Variants in KCND2 observed in about 807,000 individuals in gnomAD.
The protein encoded by KCND2 is A-type voltage-gated potassium channel KCND2.
A neutral mutation model predicts 54.4 loss-of-function variants in KCND2; 16 were observed. The observed-to-expected ratio is 0.29, with a 90% CI of 0.20 to 0.45. KCND2 has a LOEUF of 0.45. KCND2 is among the 20% of genes least tolerant of loss of function. The probability of loss-of-function intolerance (pLI) is 1.00; values close to 1 mark genes in which losing one functional copy is unlikely to be tolerated. For synonymous variants in KCND2, 317 were observed against 310.7 expected (o/e 1.02, Z -0.21); for missense variants, 486 against 824.2 (o/e 0.59, Z 5.02).
In KCND2 at chr7:120,601,756, C is replaced by T. The variant is rs145952497; in HGVS notation, c.1116-131147C>T. 8.0e-3 allele frequency among the ~76,000 whole-genome samples: 1,216 copies of T among 152,244 alleles called. 18 individuals carry two copies. The highest frequency in any genetic ancestry group is 0.028 in the African/African-American group (1,162 of 41,544). On this transcript the variant is annotated intron_variant, in intron 1 of 5. Transcript: ENST00000331113. Reference sequence around the variant, plus strand: ...AGACACCCTGACCAATTCTTTCTACCTCTGCCCACAAAAATTTGAAATTTA... The same window carrying T: ...AGACACCCTGACCAATTCTTTCTACTTCTGCCCACAAAAATTTGAAATTTA...
intron 1 of KCND2, among the ~76,000 whole-genome samples, chr7:120,614,816 A>C (rs528406636): frequency 6.6e-6 from 1 of 152,240 alleles, no homozygotes; most frequent in Admixed American, 6.5e-5. Context: ...ATAATTTTTA[A>C]GATAAAACAA....
chr7:120,356,197 C>T (rs1050189820), intron 1 of KCND2, among the ~76,000 whole-genome samples: 3 of 151,980 alleles, frequency 2.0e-5, no homozygotes, highest in Admixed American at 2.0e-4. Flanking sequence ...ATGACTAATG[C>T]TCTAATGGAA....
chr7:120,397,770 A>G (rs1219482640), intron 1 of KCND2, among the ~76,000 whole-genome samples: 1 of 151,572 alleles, frequency 6.6e-6, no homozygotes, highest in Non-Finnish European at 1.5e-5. Flanking sequence ...ATATTTTTCT[A>G]TATTGTCATA....
chr7:120,641,015 C>A (rs1165628284), intron 1 of KCND2, among the ~76,000 whole-genome samples: 1 of 152,166 alleles, frequency 6.6e-6, no homozygotes, highest in African/African-American at 2.4e-5. Flanking sequence ...ATATAATTTG[C>A]ATTTTTTGCT....
intron 1 of KCND2, among the ~76,000 whole-genome samples, chr7:120,439,416 G>A (rs1195919312): frequency 6.6e-6 from 1 of 152,018 alleles, no homozygotes; most frequent in Non-Finnish European, 1.5e-5. Flanking sequence ...GGAATGCAGA[G>A]TGATATTTCA....
At position 120,554,105 on chromosome 7, in the gene KCND2, G is replaced by A. The variant is rs768312586; in HGVS notation, c.1116-178798G>A. Among the ~76,000 whole-genome samples the A allele has an allele frequency of 1.5e-4, 23 of 152,198 alleles. 1 individual carries two copies. The highest frequency in any genetic ancestry group is 2.6e-4 in the Non-Finnish European group (18 of 68,030). On this transcript the variant is annotated intron_variant, in intron 1 of 5. Transcript: ENST00000331113. The stretch of plus-strand genomic sequence containing the variant: ...CCTATTTTCCTGCTGACCTGGAGAT[G>A]ATTCAAAGCCCAATCTTGGCCACAA...
chr7:120,747,732 A>G lies in KCND2; in HGVS notation c.1767A>G (p.Glu589=). Residue 589 remains glutamate, a synonymous_variant, in exon 6 of 6, where the codon GAA becomes GAG. Transcript: ENST00000331113. ...KMEECVKLNC[E]QPYVTTAIIS... ...AAGAGTGTGTTAAACTAAACTGTGA[A>G]CAACCTTATGTGACTACAGCAATAA... 6.2e-7 allele frequency: 1 copy of G among 1,612,820 alleles called. No homozygotes were observed. The highest frequency in any genetic ancestry group is 8.5e-7 in the Non-Finnish European group (1 of 1,179,110).
intron 1 of KCND2, among the ~76,000 whole-genome samples, chr7:120,524,837 A>T (rs1459245851): frequency 6.6e-6 from 1 of 152,176 alleles, no homozygotes; most frequent in Non-Finnish European, 1.5e-5. Flanking sequence ...AAACATCTCA[A>T]AGGAAAATTA....
At chr7:120,700,096 A>G (rs1336389713) in intron 1 of KCND2, among the ~76,000 whole-genome samples, 1 of 152,188 alleles carries the variant, frequency 6.6e-6, no homozygotes, top group Non-Finnish European at 1.5e-5. Context: ...GGGAAATGCC[A>G]TAGATTGGTC....
intron 1 of KCND2, among the ~76,000 whole-genome samples, chr7:120,296,905 T>G (rs999775115): frequency 5.3e-5 from 8 of 152,236 alleles, no homozygotes; most frequent in Non-Finnish European, 1.0e-4. Context: ...TAAGCAATGT[T>G]TTTTTAAGAA....
chr7:120,398,135 A>C (rs1801187512), intron 1 of KCND2, among the ~76,000 whole-genome samples: 8 of 143,112 alleles, frequency 5.6e-5, no homozygotes, highest in Admixed American at 5.0e-4. Context: ...TGGCAATACT[A>C]GGAGATTTTA....
chr7:120,322,752 C>T (rs1390364322), intron 1 of KCND2, among the ~76,000 whole-genome samples: 2 of 152,014 alleles, frequency 1.3e-5, no homozygotes, highest in Non-Finnish European at 2.9e-5. Flanking sequence ...TAGTTATTAG[C>T]ATTTTCTATG....
chr7:120,381,356 C>T (rs1800913354), intron 1 of KCND2, among the ~76,000 whole-genome samples: 1 of 151,990 alleles, frequency 6.6e-6, no homozygotes, highest in Non-Finnish European at 1.5e-5. Context: ...CAAAATATTA[C>T]ACATAATACA....
rs182826212 is a variant in KCND2 at position 120,583,551 on chromosome 7, G to A, written c.1116-149352G>A. 2.6e-5 allele frequency among the ~76,000 whole-genome samples: 4 copies of A among 152,246 alleles called. No homozygotes were observed. In the East Asian group the frequency reaches 7.7e-4, roughly 29 times the overall value. On this transcript the variant is annotated intron_variant, in intron 1 of 5. Transcript: ENST00000331113. ...CAAGGTGTCAGCAGAGTTGGTGCCTGTGAGGTCTCTCTCTGGCTTATAGAT... is the reference window on the plus strand; with the variant it reads ...CAAGGTGTCAGCAGAGTTGGTGCCTATGAGGTCTCTCTCTGGCTTATAGAT...
At position 120,274,336 on chromosome 7, in the gene KCND2, T is replaced by G; in HGVS notation, c.-297T>G. 2 of 534,746 alleles carry G rather than the reference T, an allele frequency of 3.7e-6. No individual in the cohort carries two copies. The highest frequency in any genetic ancestry group is 6.7e-6 in the Non-Finnish European group (2 of 298,372). The allele number at this position is 534,746 out of a possible 1,614,324, so 33.1% of individuals were successfully genotyped here. ...AAACGGCTGCACCTGTGTGCTTATTTGTGCCAGAGGGTGGCCTAGCCCACC... is the reference window on the plus strand; with the variant it reads ...AAACGGCTGCACCTGTGTGCTTATTGGTGCCAGAGGGTGGCCTAGCCCACC... On this transcript the variant is annotated 5_prime_UTR_variant, in exon 1 of 6. Transcript: ENST00000331113.
At chr7:120,494,174 G>A (rs1057074993) in intron 1 of KCND2, among the ~76,000 whole-genome samples, 3 of 152,088 alleles carry the variant, frequency 2.0e-5, no homozygotes, top group African/African-American at 7.2e-5. Context: ...GTTTCTTCTG[G>A]TGGGGAAGGT....
At chr7:120,285,187 A>C (rs1158941035) in intron 1 of KCND2, among the ~76,000 whole-genome samples, 2 of 152,080 alleles carry the variant, frequency 1.3e-5, no homozygotes, top group African/African-American at 4.8e-5. Context: ...CTCTGGTAAT[A>C]ACACTGTATT....
intron 1 of KCND2, among the ~76,000 whole-genome samples, chr7:120,297,854 A>G (rs1415411462): frequency 6.6e-6 from 1 of 152,098 alleles, no homozygotes; most frequent in Non-Finnish European, 1.5e-5. Context: ...TTAACTTTGC[A>G]TTTTTAAATT....
At chr7:120,684,947 C>T (rs1792182706) in intron 1 of KCND2, among the ~76,000 whole-genome samples, 1 of 152,072 alleles carries the variant, frequency 6.6e-6, no homozygotes, top group African/African-American at 2.4e-5. Context: ...AAGCTCAGGG[C>T]TCCCACTGGT....
Sources: gnomAD v4.1 joint callset for allele counts (sites outside exome capture counted in the v4.1 genomes callset) on GRCh38, gnomAD v4.1.1 for gene constraint, MANE v1.5 for transcripts, NCBI Gene and HGNC (gene_info 2026-07-23, HGNC 2026-07-21) for gene names.